UQCC2: variants seen among roughly 807,000 people sequenced by gnomAD.
UQCC2 encodes ubiquinol-cytochrome c reductase complex assembly factor 2.
In UQCC2, 21 loss-of-function variants were observed where a neutral mutation model predicts 19.9. That is an observed-to-expected ratio of 1.05 (90% CI 0.75 to 1.52). The LOEUF is 1.52. UQCC2 is among the 40% of genes most tolerant of loss of function. The pLI is 0.00. For missense variants in UQCC2, 135 were observed against 157.5 expected, an observed-to-expected ratio of 0.86 and a Z score of 0.76; for synonymous variants, 57 against 60.9, an observed-to-expected ratio of 0.94 and a Z score of 0.30.
At chr6:33,700,342 C>T in intron 3 of UQCC2, 102 bp downstream of exon 3, 1 of 1,337,926 alleles carries the variant, frequency 7.5e-7, no homozygotes, top group Non-Finnish European at 1.1e-6. Context: ...TTCTACAAGA[C>T]TTTCCATCAA....
intron 1 of UQCC2, among the ~76,000 whole-genome samples, chr6:33,710,903 T>C (rs1765761265): frequency 6.6e-6 from 1 of 152,230 alleles, no homozygotes; most frequent in Non-Finnish European, 1.5e-5. Flanking sequence ...CTGCGTGAGC[T>C]GAGGACCCAA....
chr6:33,700,913 A>T (rs142796243), intron 2 of UQCC2, among the ~76,000 whole-genome samples: 152 of 152,380 alleles, frequency 1.0e-3, no homozygotes, highest in African/African-American at 3.6e-3. Flanking sequence ...AAGTATGGGA[A>T]AAACCACTCT....
chr6:33,700,328 G>A lies in UQCC2; in HGVS notation c.283+116C>T, dbSNP rs138192921. On this transcript the variant is annotated intron_variant, in intron 3 of 3. Coordinates refer to ENST00000607484, the MANE Select transcript of UQCC2 (RefSeq NM_032340.4). ...CCTGTAGCTTCAGAATTTCCTCTGG[G>A]CTGTTCTACAAGACTTTCCATCAAG... is the stretch of plus-strand genomic sequence containing the variant. 2,986 of 1,125,186 alleles carry A rather than the reference G, an allele frequency of 2.7e-3. 25 individuals carry two copies. Among genetic ancestry groups the A allele is most frequent in the South Asian group, 0.015 (1,136 of 73,950 alleles). The allele number at this position is 1,125,186 out of a possible 1,614,324, so 69.7% of individuals were successfully genotyped here.
chr6:33,711,369 G>C (rs916610044), intron 1 of UQCC2, among the ~76,000 whole-genome samples, 180 bp downstream of exon 1: 7 of 152,336 alleles, frequency 4.6e-5, no homozygotes, highest in Middle Eastern at 6.8e-3. Context: ...CCGGGGGAGA[G>C]CGCTGAATAC....
At chr6:33,697,955 ACT>A in intron 3 of UQCC2, 1 of 573,244 alleles carries the variant, frequency 1.7e-6, no homozygotes, top group South Asian at 2.1e-5. Context: ...TGTGTGCCAG[ACT>A]CTGTGCCCAG....
At chr6:33,709,710 T>C (rs535959183) in intron 1 of UQCC2, among the ~76,000 whole-genome samples, 1 of 151,966 alleles carries the variant, frequency 6.6e-6, no homozygotes, top group Non-Finnish European at 1.5e-5. Context: ...ATGATGCCAC[T>C]GGGCGTGCTC....
Position 33,701,413 on chromosome 6 carries a change from T to A in UQCC2, c.146A>T (p.Glu49Val), listed in dbSNP as rs1561889508. 6.2e-7 allele frequency: 1 copy of A among 1,613,260 alleles called. No homozygotes were observed. Among genetic ancestry groups the A allele is most frequent in the African/African-American group, 1.3e-5 (1 of 74,902 alleles). Residue 49 changes from glutamate to valine, a missense_variant, in exon 2 of 4, where the codon GAG (glutamate) becomes GTG (valine). Glu to Val is a moderately radical substitution (Grantham distance 121). Coordinates refer to ENST00000607484, the MANE Select transcript of UQCC2 (RefSeq NM_032340.4). ...FREGENTQVA[E>V]PEACDQMYES... ...GTACATCTGATCACAGGCCTCAGGC[T>A]CTGCAACCTGAAAAGCAAAGAATCC...
chr6:33,700,407 G>C, intron 3 of UQCC2, 37 bp downstream of exon 3: 1 of 1,608,086 alleles, frequency 6.2e-7, no homozygotes, highest in African/African-American at 1.3e-5. Flanking sequence ...AGAATCATTT[G>C]CAAACCAATG....
intron 1 of UQCC2, among the ~76,000 whole-genome samples, chr6:33,711,164 T>G (rs1421507570): frequency 6.6e-6 from 1 of 152,158 alleles, no homozygotes; most frequent in African/African-American, 2.4e-5. Flanking sequence ...CCCCTAGAGA[T>G]TCTGCATTTG....
intron 1 of UQCC2, among the ~76,000 whole-genome samples, chr6:33,702,269 G>C (rs534663568): frequency 6.6e-6 from 1 of 151,970 alleles, no homozygotes; most frequent in African/African-American, 2.4e-5. Context: ...CAGCCTCCCA[G>C]AGTGTTGGGG....
At chr6:33,698,939 C>T (rs1016347024) in intron 3 of UQCC2, among the ~76,000 whole-genome samples, 19 of 152,130 alleles carry the variant, frequency 1.2e-4, no homozygotes, top group African/African-American at 3.9e-4. Context: ...TAAATTTTCA[C>T]GTTAACAAAA....
Position 33,711,697 on chromosome 6 carries a change from G to A in UQCC2, c.-11C>T, listed in dbSNP as rs778700544. 8.1e-6 allele frequency: 13 copies of A among 1,603,014 alleles called. No individual in the cohort carries two copies. The highest frequency in any genetic ancestry group is 3.5e-5 in the Admixed American group (2 of 56,846). On this transcript the variant is annotated 5_prime_UTR_variant, in exon 1 of 4. Coordinates refer to ENST00000607484, the MANE Select transcript of UQCC2 (RefSeq NM_032340.4). Reference sequence around the variant, plus strand: ...CCGGCTGGCCGCCATCTTGGGCCCCGCGTGTTCCCGCCTTAGCGGGAGGAG... The same window carrying A: ...CCGGCTGGCCGCCATCTTGGGCCCCACGTGTTCCCGCCTTAGCGGGAGGAG...
rs201997975 is a variant in UQCC2 at position 33,706,673 on chromosome 6, G to GGATGAGGCAT, written c.138+4866_138+4875dup. 6.1e-3 allele frequency among the ~76,000 whole-genome samples: 929 copies of GGATGAGGCAT among 152,316 alleles called. 10 individuals are homozygous for GGATGAGGCAT. The highest frequency in any genetic ancestry group is 0.035 in the South Asian group (167 of 4,828). ...ACACAGGGACCAGAAATGACTGGGAGGATGAGGCATGAAGAGGCACAGGAC... is the reference window on the plus strand; with the variant it reads ...ACACAGGGACCAGAAATGACTGGGAGGATGAGGCATGATGAGGCATGAAGAGGCACAGGAC... On this transcript the variant is annotated intron_variant, in intron 1 of 3. Transcript: ENST00000607484.
chr6:33,704,053 G>A (rs1049705925), intron 1 of UQCC2, among the ~76,000 whole-genome samples: 13 of 152,214 alleles, frequency 8.5e-5, no homozygotes, highest in African/African-American at 2.9e-4. Context: ...TAGCCCCTAC[G>A]TCCCCGGTGG....
chr6:33,697,728 T>C lies in UQCC2; in HGVS notation c.306A>G (p.Glu102=). The change falls in exon 4 of 4, where the codon GAA becomes GAG. Residue 102 remains glutamate, a synonymous_variant. Coordinates refer to ENST00000607484, the MANE Select transcript of UQCC2 (RefSeq NM_032340.4). ...LSTDTLEELK[E]IDKGMWKKLQ... ...GTTTCTTCCACATGCCTTTATCTAT[T>C]TCCTTAAGCTCTTCCAAGGTGTCTG... is the stretch of plus-strand genomic sequence containing the variant. 6.2e-7 allele frequency: 1 copy of C among 1,614,130 alleles called. No homozygotes were observed. Among genetic ancestry groups the C allele is most frequent in the Non-Finnish European group, 8.5e-7 (1 of 1,180,016 alleles).
intron 3 of UQCC2, chr6:33,698,093 C>T (rs1765590033): frequency 9.5e-6 from 2 of 209,928 alleles, no homozygotes; most frequent in Admixed American, 5.4e-5. Context: ...AACCCACAGA[C>T]CCAGATGCTT....
At position 33,697,571 on chromosome 6, in the gene UQCC2, A is replaced by C; in HGVS notation, c.*82T>G. 1 of 1,073,440 alleles carries C rather than the reference A, an allele frequency of 9.3e-7. No homozygotes were observed. Among genetic ancestry groups the C allele is most frequent in the Non-Finnish European group, 1.4e-6 (1 of 735,030 alleles). 66.5% of individuals were successfully genotyped at this position (1,073,440 alleles called of 1,614,324 possible). ...AGGAGATTCCCAAACCGTAAGGTCA[A>C]GGGGAAACTGGGGCAGTTTTATTGA... On this transcript the variant is annotated 3_prime_UTR_variant, in exon 4 of 4. Transcript: ENST00000607484.
intron 1 of UQCC2, among the ~76,000 whole-genome samples, chr6:33,710,526 G>A (rs1765754002): frequency 6.6e-6 from 1 of 152,204 alleles, no homozygotes; most frequent in South Asian, 2.1e-4. Flanking sequence ...GACATGTGCA[G>A]TGTCTGGAAT....
rs1220279847 is a variant in UQCC2 at position 33,697,570 on chromosome 6, A to G, written c.*83T>C. On this transcript the variant is annotated 3_prime_UTR_variant, in exon 4 of 4. Coordinates refer to ENST00000607484, the MANE Select transcript of UQCC2 (RefSeq NM_032340.4). Reference sequence around the variant, plus strand: ...GAGGAGATTCCCAAACCGTAAGGTCAAGGGGAAACTGGGGCAGTTTTATTG... The same window carrying G: ...GAGGAGATTCCCAAACCGTAAGGTCGAGGGGAAACTGGGGCAGTTTTATTG... The G allele has an allele frequency of 6.6e-6, 7 of 1,064,286 alleles. No homozygotes were observed. In the African/African-American group the frequency reaches 1.1e-4, roughly 17 times the overall value. The allele number at this position is 1,064,286 out of a possible 1,614,324, so 65.9% of individuals were successfully genotyped here.
Sources: gnomAD v4.1 joint callset for allele counts (sites outside exome capture counted in the v4.1 genomes callset) on GRCh38, gnomAD v4.1.1 for gene constraint, MANE v1.5 for transcripts, NCBI Gene and HGNC (gene_info 2026-07-23, HGNC 2026-07-21) for gene names.